The following CRYL1 variants were observed in gnomAD, a reference collection of about 807,000 sequenced individuals.
The protein encoded by CRYL1 is lambda-crystallin homolog.
Under a neutral mutation model 36.6 loss-of-function variants are expected in CRYL1, and 29 were observed. The ratio of observed to expected loss-of-function variants is 0.79; its 90% CI spans 0.59 to 1.08. The LOEUF is 1.08. Among genes scored for constraint, CRYL1 ranks in the 50% least tolerant of loss-of-function variants. The probability of loss-of-function intolerance (pLI) is 0.00; values close to 1 mark genes in which losing one functional copy is unlikely to be tolerated. For synonymous variants in CRYL1, 152 were observed against 151.5 expected (o/e 1.00, Z -0.02); for missense variants, 411 against 407.9 (o/e 1.01, Z -0.06).
intron 1 of CRYL1, among the ~76,000 whole-genome samples, chr13:20,513,943 C>T (rs1318379660): frequency 2.7e-5 from 4 of 147,934 alleles, no homozygotes; most frequent in African/African-American, 1.0e-4. Context: ...ATCGATGGGG[C>T]ATGTCAAAGG....
intron 5 of CRYL1, among the ~76,000 whole-genome samples, chr13:20,426,496 A>G (rs2031937305): frequency 6.6e-6 from 1 of 152,158 alleles, no homozygotes. Context: ...AGCTATAGTG[A>G]CCACATGAGA....
chr13:20,412,355 T>C (rs145830448), intron 6 of CRYL1, among the ~76,000 whole-genome samples: 1,875 of 152,272 alleles, frequency 0.012, 31 homozygotes, highest in African/African-American at 0.042. Context: ...ATGCAGGCCA[T>C]GGAGCTGCAT....
intron 2 of CRYL1, among the ~76,000 whole-genome samples, chr13:20,497,933 AT>A (rs2137485808): frequency 6.6e-6 from 1 of 152,206 alleles, no homozygotes; most frequent in African/African-American, 2.4e-5. Flanking sequence ...TTCATTTACC[AT>A]TTTTTAATGA....
At chr13:20,437,400 T>C (rs529539482) in intron 4 of CRYL1, among the ~76,000 whole-genome samples, 9 of 151,584 alleles carry the variant, frequency 5.9e-5, no homozygotes, top group South Asian at 2.1e-4. Context: ...CTCCACCTCC[T>C]GGGTTCACAC....
At chr13:20,404,545 G>A (rs1036726352) in intron 7 of CRYL1, 90 bp downstream of exon 7, 2 of 800,788 alleles carry the variant, frequency 2.5e-6, no homozygotes, top group Admixed American at 4.4e-5. Context: ...AGCTGCAGAG[G>A]CAGGCCCACC....
chr13:20,484,254 A>G (rs1477501110), intron 3 of CRYL1, among the ~76,000 whole-genome samples: 1 of 152,170 alleles, frequency 6.6e-6, no homozygotes, highest in African/African-American at 2.4e-5. Flanking sequence ...GCCACTGGCA[A>G]AAAGTCTGTG....
chr13:20,468,861 C>G (rs1363955573), intron 3 of CRYL1, among the ~76,000 whole-genome samples: 11 of 152,174 alleles, frequency 7.2e-5, no homozygotes, highest in African/African-American at 2.4e-4. Context: ...CCCAACTCAG[C>G]CTGCCAAAGC....
chr13:20,521,251 G>A (rs1424121795), intron 1 of CRYL1, among the ~76,000 whole-genome samples: 1 of 152,084 alleles, frequency 6.6e-6, no homozygotes, highest in Non-Finnish European at 1.5e-5. Context: ...ACTTGAAAGA[G>A]GATAACCTTA....
chr13:20,448,803 A>G (rs2032506522), intron 3 of CRYL1, among the ~76,000 whole-genome samples: 1 of 152,224 alleles, frequency 6.6e-6, no homozygotes, highest in Admixed American at 6.5e-5. Context: ...TCAATCTACA[A>G]TAATTTTTAA....
chr13:20,469,562 G>A (rs2033012172), intron 3 of CRYL1, among the ~76,000 whole-genome samples: 1 of 152,112 alleles, frequency 6.6e-6, no homozygotes. Context: ...GGAGGGACTC[G>A]GGGTTCAATT....
chr13:20,438,397 C>T (rs1015243149), intron 4 of CRYL1, among the ~76,000 whole-genome samples: 1 of 152,156 alleles, frequency 6.6e-6, no homozygotes, highest in African/African-American at 2.4e-5. Flanking sequence ...CCAGGAAGGA[C>T]CTTCATGTTA....
rs1047198311 is a variant in CRYL1, at chr13:20,435,091, T to C, written c.439-2795A>G. Among the ~76,000 whole-genome samples, 1 of 151,992 alleles carries C rather than the reference T, an allele frequency of 6.6e-6. No homozygotes were observed. Among genetic ancestry groups the C allele is most frequent in the Non-Finnish European group, 1.5e-5 (1 of 68,008 alleles). Reference sequence around the variant, plus strand: ...CTGTGGAAAGTTAGTGTTTCATGGGTAGGAGGTTCAGTCTTATAAGAGGAG... The same window carrying C: ...CTGTGGAAAGTTAGTGTTTCATGGGCAGGAGGTTCAGTCTTATAAGAGGAG... On this transcript the variant is annotated intron_variant, in intron 4 of 7. Transcript: ENST00000298248. This position sits in a 1 kb window ranked among gnomAD's most constrained non-coding sequence, Gnocchi z 4.0.
In CRYL1 at chr13:20,501,745, A is replaced by G. The variant is rs547484085; in HGVS notation, c.149+10698T>C. The stretch of plus-strand genomic sequence containing the variant: ...AGGCCAGGGATTGCTTCCTTATGGG[A>G]TGGCTGTGTTGTGCTGTCTGCTTTG... On this transcript the variant is annotated intron_variant, in intron 2 of 7. Transcript: ENST00000298248. 1.6e-4 allele frequency among the ~76,000 whole-genome samples: 25 copies of G among 152,260 alleles called. No homozygotes were observed. The East Asian group carries it at 4.1e-3, about 25-fold the overall frequency.
At chr13:20,480,765 C>G (rs4770042) in intron 3 of CRYL1, among the ~76,000 whole-genome samples, 90,954 of 152,084 alleles carry the variant, frequency 0.6, 28,721 homozygotes, top group East Asian at 0.75. Context: ...TTAGTCCTCA[C>G]CTGCAGGCAC....
intron 3 of CRYL1, among the ~76,000 whole-genome samples, chr13:20,488,285 A>G (rs2033440768): frequency 6.6e-6 from 1 of 152,090 alleles, no homozygotes; most frequent in Non-Finnish European, 1.5e-5. Flanking sequence ...TGGCACTGGG[A>G]ACTCATTAGG....
chr13:20,449,972 T>C (rs1232870446), intron 3 of CRYL1, among the ~76,000 whole-genome samples: 2 of 152,214 alleles, frequency 1.3e-5, no homozygotes, highest in Non-Finnish European at 2.9e-5. Flanking sequence ...AAGTATTCCA[T>C]GCTTATGGAT....
chr13:20,468,513 A>G lies in CRYL1; in HGVS notation c.276+20857T>C, dbSNP rs148823775. 4.5e-3 allele frequency among the ~76,000 whole-genome samples: 686 copies of G among 152,322 alleles called. 7 individuals are homozygous for G. Among genetic ancestry groups the G allele is most frequent in the African/African-American group, 0.016 (652 of 41,566 alleles). Reference sequence around the variant, plus strand: ...TCTACCAGTGACCACAGTGGGATTCATTTCACTGACCATTAACTGAACAAA... The same window carrying G: ...TCTACCAGTGACCACAGTGGGATTCGTTTCACTGACCATTAACTGAACAAA... On this transcript the variant is annotated intron_variant, in intron 3 of 7. Coordinates refer to ENST00000298248, the MANE Select transcript of CRYL1 (RefSeq NM_015974.3).
At chr13:20,507,383 A>G (rs2033811788) in intron 2 of CRYL1, among the ~76,000 whole-genome samples, 1 of 152,244 alleles carries the variant, frequency 6.6e-6, no homozygotes, top group Non-Finnish European at 1.5e-5. Context: ...CGGCTGAAAC[A>G]GAGACCATAT....
At chr13:20,483,937 C>T (rs1428788961) in intron 3 of CRYL1, among the ~76,000 whole-genome samples, 1 of 152,174 alleles carries the variant, frequency 6.6e-6, no homozygotes, top group Non-Finnish European at 1.5e-5. Flanking sequence ...CTGCCTCAGC[C>T]TCCCGGGTAG....
Sources: allele counts gnomAD v4.1 joint callset (sites outside exome capture counted in the v4.1 genomes callset), GRCh38; gene constraint gnomAD v4.1.1; non-coding constraint Gnocchi (gnomAD v3.1); transcripts MANE v1.5; gene names NCBI Gene and HGNC (gene_info 2026-07-23, HGNC 2026-07-21).